Variants in BMAL1 observed in about 807,000 individuals in gnomAD.
BMAL1 encodes the protein basic helix-loop-helix ARNT-like protein 1.
chr11:13,385,705 C>A, the BMAL1 span: 5 of 1,612,870 alleles, frequency 3.1e-6, no homozygotes, highest in African/African-American at 6.7e-5. Flanking sequence ...AATGGAGGGA[C>A]TCCAGACATT....
chr11:13,325,265 A>G, the BMAL1 span, among the ~76,000 whole-genome samples: 1 of 152,016 alleles, frequency 6.6e-6, no homozygotes, highest in African/African-American at 2.4e-5. Context: ...CCCCTGTTCC[A>G]TTTTTTAATA....
At chr11:13,381,550 A>T in the BMAL1 span, among the ~76,000 whole-genome samples, 1 of 152,212 alleles carries the variant, frequency 6.6e-6, no homozygotes, top group South Asian at 2.1e-4. Flanking sequence ...CCATGAGGGA[A>T]AGATTATTGA....
chr11:13,354,200 G>GCCCCCCCCCCCAAAA, the BMAL1 span: 4 of 364,712 alleles, frequency 1.1e-5, no homozygotes, highest in South Asian at 6.1e-5. Context: ...TCCCCCCCCG[G>GCCCCCCCCCCCAAAA]CCCCCCACCA....
At chr11:13,292,602 G>A in the BMAL1 span, among the ~76,000 whole-genome samples, 4 of 152,060 alleles carry the variant, frequency 2.6e-5, no homozygotes, top group East Asian at 3.9e-4. Flanking sequence ...GTGGCAAGGG[G>A]CTTTGCTAGA....
chr11:13,360,369 C>G, the BMAL1 span: 10 of 1,613,868 alleles, frequency 6.2e-6, no homozygotes, highest in Admixed American at 5.0e-5. Context: ...TACACAGAAG[C>G]AAACTACAAA....
chr11:13,369,815 T>C, the BMAL1 span: 20 of 1,586,084 alleles, frequency 1.3e-5, no homozygotes, highest in Admixed American at 7.4e-5. Context: ...TGAAGCATGC[T>C]TTCTGCAGCG....
the BMAL1 span, chr11:13,372,421 CAT>C: frequency 6.2e-7 from 1 of 1,613,362 alleles, no homozygotes; most frequent in African/African-American, 1.3e-5. Context: ...TAAGAGTCTA[CAT>C]ACTACCCTTG....
chr11:13,361,106 AAAAC>A, the BMAL1 span, among the ~76,000 whole-genome samples: 5 of 152,204 alleles, frequency 3.3e-5, no homozygotes, highest in Admixed American at 1.3e-4. Context: ...TCTGTCTCAA[AAAAC>A]AAACAAACTT....
At chr11:13,277,318 C>A in the BMAL1 span, among the ~76,000 whole-genome samples, 2 of 152,162 alleles carry the variant, frequency 1.3e-5, no homozygotes, top group African/African-American at 4.8e-5. Context: ...CGCCAGCCGG[C>A]AGGGGACCCA....
chr11:13,312,486 G>A, the BMAL1 span, among the ~76,000 whole-genome samples: 2 of 152,132 alleles, frequency 1.3e-5, no homozygotes, highest in African/African-American at 2.4e-5. Context: ...GGGAAGTCTG[G>A]AAGAGACTAA....
At chr11:13,381,233 C>G in the BMAL1 span, 1 of 1,614,144 alleles carries the variant, frequency 6.2e-7, no homozygotes. Flanking sequence ...CCCCTGATGC[C>G]TCTTCTCCAG....
chr11:13,304,798 C>A, the BMAL1 span, among the ~76,000 whole-genome samples: 2 of 152,194 alleles, frequency 1.3e-5, no homozygotes, highest in African/African-American at 4.8e-5. Flanking sequence ...TGAAGGGTAA[C>A]AACCCACAAA....
At chr11:13,322,810 G>T in the BMAL1 span, among the ~76,000 whole-genome samples, 3 of 94,746 alleles carry the variant, frequency 3.2e-5, no homozygotes, top group African/African-American at 9.0e-5. Flanking sequence ...TTTTTTTTGA[G>T]AGAGGGTCTT....
the BMAL1 span, among the ~76,000 whole-genome samples, chr11:13,310,428 G>A: frequency 6.6e-6 from 1 of 152,168 alleles, no homozygotes; most frequent in African/African-American, 2.4e-5. Context: ...TAAACAAAGT[G>A]GGCCTAGCAG....
chr11:13,326,003 T>TACCATCC, the BMAL1 span, among the ~76,000 whole-genome samples: 1 of 151,668 alleles, frequency 6.6e-6, no homozygotes, highest in Admixed American at 6.6e-5. Context: ...AGGAGATTGA[T>TACCATCC]ACCATCCTGG....
chr11:13,297,734 C>T, the BMAL1 span, among the ~76,000 whole-genome samples: 1 of 152,222 alleles, frequency 6.6e-6, no homozygotes, highest in Non-Finnish European at 1.5e-5. Flanking sequence ...ATGCTCTCTT[C>T]CCCCTGCTTT....
At chr11:13,294,414 G>A in the BMAL1 span, among the ~76,000 whole-genome samples, 1 of 148,000 alleles carries the variant, frequency 6.8e-6, no homozygotes, top group Non-Finnish European at 1.5e-5. Flanking sequence ...CAACGAGTGT[G>A]AATTACTTTT....
chr11:13,354,161 T>A, the BMAL1 span: 2 of 796,604 alleles, frequency 2.5e-6, no homozygotes, highest in East Asian at 2.7e-5. Flanking sequence ...GAGAGATGCA[T>A]TAGTGCTGCT....
the BMAL1 span, among the ~76,000 whole-genome samples, chr11:13,368,865 A>G: frequency 6.6e-6 from 1 of 152,252 alleles, no homozygotes; most frequent in African/African-American, 2.4e-5. Flanking sequence ...AAAAATAAAA[A>G]TAAATGTAAA....
Sources: gnomAD v4.1 joint callset for allele counts (sites outside exome capture counted in the v4.1 genomes callset) on GRCh38, gnomAD v4.1.1 for gene constraint, MANE v1.5 for transcripts, NCBI Gene and HGNC (gene_info 2026-07-23, HGNC 2026-07-21) for gene names.